TBL1X: variants seen among roughly 807,000 people sequenced by gnomAD.
The protein encoded by TBL1X is F-box-like/WD repeat-containing protein TBL1X.
In TBL1X, 10 loss-of-function variants were observed where a neutral mutation model predicts 50.7. That is an observed-to-expected ratio of 0.20 (90% confidence interval 0.12 to 0.33). The LOEUF is 0.33. Among genes scored for constraint, TBL1X ranks in the 10% least tolerant of loss-of-function variants. TBL1X has a pLI of 1.00. For missense variants in TBL1X, 340 were observed against 504.4 expected, an observed-to-expected ratio of 0.67 and a Z score of 3.12; for synonymous variants, 190 against 214.7, an observed-to-expected ratio of 0.88 and a Z score of 1.01.
At chrX:9,597,437 A>G (rs1028588492) in intron 2 of TBL1X, among the ~76,000 whole-genome samples, 30 of 111,542 alleles carry the variant, frequency 2.7e-4, no homozygotes, top group African/African-American at 9.8e-4. Flanking sequence ...GACTCTGCAG[A>G]AGTCTTTACC....
At chrX:9,574,802 G>T (rs186265868) in intron 2 of TBL1X, among the ~76,000 whole-genome samples, 1 of 111,881 alleles carries the variant, frequency 8.9e-6, no homozygotes, top group East Asian at 2.8e-4. Flanking sequence ...CCCTGCATTT[G>T]CACTGTGTAC....
intron 2 of TBL1X, among the ~76,000 whole-genome samples, chrX:9,531,354 G>GGGGGT (rs755352161): frequency 1.1e-4 from 8 of 75,217 alleles, no homozygotes; most frequent in African/African-American, 3.8e-4. Context: ...GAACCTGGAG[G>GGGGGT]GTGTGTGTGT....
rs773322276 is a variant in TBL1X, at chrX:9,688,190, G to A, written c.531G>A (p.Thr177=). The change falls in exon 7 of 18, where the codon ACG becomes ACA. Residue 177 remains threonine (T), a synonymous_variant. Coordinates refer to ENST00000645353, the MANE Select transcript of TBL1X (RefSeq NM_005647.4). ...CGGCAGCAGCGACAGCAGCCACCAC[G>A]ACCTCAGCCGGCGTTTCCCACCAAA... is the stretch of plus-strand genomic sequence containing the variant. The part of the protein sequence containing the change: ...AATAAATAAT[T]TSAGVSHQNP... 3.0e-5 allele frequency: 36 copies of A among 1,195,975 alleles called. No homozygotes were observed. Among genetic ancestry groups the A allele is most frequent in the African/African-American group, 5.3e-5 (3 of 56,849 alleles).
chrX:9,471,895 C>G lies in TBL1X; in HGVS notation c.-201+6448C>G, dbSNP rs552125569. Among the ~76,000 whole-genome samples the G allele has an allele frequency of 1.6e-4, 18 of 111,707 alleles. No individual in the cohort carries two copies. In the South Asian group the frequency reaches 4.5e-3, roughly 28 times the overall value. ...TGGAACCGATTATGACCCCAGATAG[C>G]CTGCACAGGGCTCTTTCCTTTCTGG... On this transcript the variant is annotated intron_variant, in intron 1 of 17. Transcript: ENST00000645353.
chrX:9,706,124 C>G (rs1315335843), intron 13 of TBL1X, among the ~76,000 whole-genome samples: 1 of 111,895 alleles, frequency 8.9e-6, no homozygotes, highest in Non-Finnish European at 1.9e-5. Context: ...CGAGGCCCCA[C>G]CTCTGCATCA....
chrX:9,612,882 G>A lies in TBL1X; in HGVS notation c.-130-27391G>A, dbSNP rs535931630. On this transcript the variant is annotated intron_variant, in intron 2 of 17. Coordinates refer to ENST00000645353, the MANE Select transcript of TBL1X (RefSeq NM_005647.4). ...AAAATTTTAAAAACTGAATTAAAGA[G>A]CATTGTAGATAATTGTATTTTTCAA... 3.6e-5 allele frequency among the ~76,000 whole-genome samples: 4 copies of A among 110,724 alleles called. No homozygotes were observed. The South Asian group carries it at 1.1e-3, about 31-fold the overall frequency.
At chrX:9,592,619 T>G (rs1322917139) in intron 2 of TBL1X, among the ~76,000 whole-genome samples, 1 of 111,632 alleles carries the variant, frequency 9.0e-6, no homozygotes, top group Non-Finnish European at 1.9e-5. Flanking sequence ...ATACAATAAC[T>G]GGCCCTTCCA....
At chrX:9,596,133 G>A (rs1419901323) in intron 2 of TBL1X, among the ~76,000 whole-genome samples, 1 of 112,040 alleles carries the variant, frequency 8.9e-6, no homozygotes, top group African/African-American at 3.2e-5. Context: ...GCCTACTTAT[G>A]GGACCAAACT....
rs767352039 is a variant in TBL1X, at chrX:9,714,672, C to T, written c.1606-230C>T. Reference sequence around the variant, plus strand: ...CAGCTGGGTGCAGCCTCAGAATCCACGCAAATGTGGCAGATTCCGCAGGCA... The same window carrying T: ...CAGCTGGGTGCAGCCTCAGAATCCATGCAAATGTGGCAGATTCCGCAGGCA... On this transcript the variant is annotated intron_variant, in intron 16 of 17. Transcript: ENST00000645353. Among the ~76,000 whole-genome samples, 12 of 112,612 alleles carry T rather than the reference C, an allele frequency of 1.1e-4. No homozygotes were observed. In the South Asian group the frequency reaches 1.8e-3, roughly 17 times the overall value.
At position 9,705,093 on chromosome X, in the gene TBL1X, C is replaced by G; in HGVS notation, c.1215C>G (p.Val405=). Residue 405 remains valine (V), a synonymous_variant, in exon 13 of 18, where the codon GTC becomes GTG. Coordinates refer to ENST00000645353, the MANE Select transcript of TBL1X (RefSeq NM_005647.4). ...GCAGGCTCGGCTGTGACCGCCCAGTCAAAACCTTCCAGGGACACACAGTAA... is the reference window on the plus strand; with the variant it reads ...GCAGGCTCGGCTGTGACCGCCCAGTGAAAACCTTCCAGGGACACACAGTAA... ...HVCRLGCDRP[V]KTFQGHTNEV... is the part of the protein sequence containing the mutation. 2 of 1,212,167 alleles carry G rather than the reference C, an allele frequency of 1.6e-6. No individual in the cohort carries two copies. The highest frequency in any genetic ancestry group is 2.2e-6 in the Non-Finnish European group (2 of 895,611).
chrX:9,532,803 C>T (rs1180061922), intron 2 of TBL1X, among the ~76,000 whole-genome samples: 1 of 111,461 alleles, frequency 9.0e-6, no homozygotes, highest in Non-Finnish European at 1.9e-5. Context: ...GTCCTAATGA[C>T]CTCATTTTAC....
Position 9,653,571 on chromosome X carries a change from C to T in TBL1X, c.-16C>T, listed in dbSNP as rs1391664352. 4.3e-6 allele frequency: 5 copies of T among 1,158,482 alleles called. No individual in the cohort carries two copies. The highest frequency in any genetic ancestry group is 3.3e-5 in the East Asian group (1 of 30,574). ...AGCCCTGGCCTCCTTGCAGAAACAT[C>T]GAGGTGACATGTAGCATGACCGAGC... On this transcript the variant is annotated 5_prime_UTR_variant, in exon 4 of 18. Transcript: ENST00000645353.
chrX:9,579,737 G>A (rs971702851), intron 2 of TBL1X, among the ~76,000 whole-genome samples: 7 of 111,126 alleles, frequency 6.3e-5, no homozygotes, highest in African/African-American at 2.3e-4. Flanking sequence ...GAGGGTGAAT[G>A]CTATTTTACA....
intron 2 of TBL1X, among the ~76,000 whole-genome samples, chrX:9,530,655 G>T (rs993777888): frequency 1.8e-5 from 2 of 111,771 alleles, no homozygotes; most frequent in Non-Finnish European, 3.8e-5. Flanking sequence ...TTAAAATAAG[G>T]TGAGAAAATC....
chrX:9,472,023 G>A lies in TBL1X; in HGVS notation c.-201+6576G>A, dbSNP rs570347987. Among the ~76,000 whole-genome samples, 5 of 110,983 alleles carry A rather than the reference G, an allele frequency of 4.5e-5. No individual in the cohort carries two copies. In the South Asian group the frequency reaches 1.9e-3, roughly 42 times the overall value. ...CTCCAAGACGCTGAAACCTTCCTTC[G>A]GGTCTGTTGAAACTGCATCCCCAGC... On this transcript the variant is annotated intron_variant, in intron 1 of 17. Coordinates refer to ENST00000645353, the MANE Select transcript of TBL1X (RefSeq NM_005647.4).
chrX:9,486,700 A>G lies in TBL1X; in HGVS notation c.-200-15080A>G, dbSNP rs775561316. ...ATGTCTCCCTAAAATGTATAAAACC[A>G]AGCTATGCCCCAACCGCCTTGGGTA... On this transcript the variant is annotated intron_variant, in intron 1 of 17. Transcript: ENST00000645353. 5.5e-5 allele frequency among the ~76,000 whole-genome samples: 6 copies of G among 109,203 alleles called. No individual in the cohort carries two copies. The South Asian group carries it at 2.4e-3, about 44-fold the overall frequency. 94.8% of individuals were successfully genotyped at this position (109,203 alleles called of 115,157 possible).
At chrX:9,631,160 T>A (rs981463293) in intron 2 of TBL1X, among the ~76,000 whole-genome samples, 2 of 111,611 alleles carry the variant, frequency 1.8e-5, no homozygotes, top group Non-Finnish European at 3.8e-5. Flanking sequence ...CTTTTTAGGT[T>A]CAGGGGTACA....
At chrX:9,591,772 G>A (rs2082501474) in intron 2 of TBL1X, among the ~76,000 whole-genome samples, 1 of 111,933 alleles carries the variant, frequency 8.9e-6, no homozygotes, top group Non-Finnish European at 1.9e-5. Context: ...GGAGTCCAGA[G>A]GAGGAAGGCA....
intron 1 of TBL1X, among the ~76,000 whole-genome samples, chrX:9,471,674 C>T (rs1178670032): frequency 3.6e-5 from 4 of 111,690 alleles, no homozygotes; most frequent in South Asian, 3.7e-4. Flanking sequence ...TGAGTGATTC[C>T]GGGGAGTGCG....
Sources: allele counts gnomAD v4.1 joint callset (sites outside exome capture counted in the v4.1 genomes callset), GRCh38; gene constraint gnomAD v4.1.1; transcripts MANE v1.5; gene names NCBI Gene and HGNC (gene_info 2026-07-23, HGNC 2026-07-21).